Variants in DTNB observed in about 807,000 individuals in gnomAD.
DTNB encodes the protein DTN-B.
In DTNB, 63 loss-of-function variants were observed where a neutral mutation model predicts 90.7. That is an observed-to-expected ratio of 0.69 (90% CI 0.57 to 0.86). The LOEUF is 0.86. Ranked by LOEUF, DTNB falls within the 40% of genes least tolerant of loss-of-function variation. The pLI, the probability that DTNB is intolerant of heterozygous loss-of-function variation, is 0.00. For missense variants in DTNB, 744 were observed against 807.1 expected (o/e 0.92, Z 0.95); for synonymous variants, 277 against 286.7 (o/e 0.97, Z 0.34).
At chr2:25,532,695 C>T (rs1270100348) in intron 8 of DTNB, among the ~76,000 whole-genome samples, 1 of 152,192 alleles carries the variant, frequency 6.6e-6, no homozygotes, top group Non-Finnish European at 1.5e-5. Context: ...TAAAATAACA[C>T]TGTTATCTGA....
At chr2:25,393,278 C>T (rs1298378284) in intron 16 of DTNB, among the ~76,000 whole-genome samples, 1 of 152,142 alleles carries the variant, frequency 6.6e-6, no homozygotes, top group Non-Finnish European at 1.5e-5. Context: ...CAATATTATA[C>T]TGAACAGGGA....
chr2:25,532,245 CA>C (rs11352371), intron 8 of DTNB, among the ~76,000 whole-genome samples: 26,137 of 74,438 alleles, frequency 0.35, 2,033 homozygotes, highest in East Asian at 0.47. Context: ...AACTCTGTCT[CA>C]AAAAAAAAAA....
At chr2:25,384,112 C>T (rs796792224) in intron 18 of DTNB, among the ~76,000 whole-genome samples, 43 of 152,364 alleles carry the variant, frequency 2.8e-4, no homozygotes, top group African/African-American at 8.9e-4. Flanking sequence ...GGGAGCAGTG[C>T]GGTCACATCG....
chr2:25,405,214 T>C (rs2044778124), intron 16 of DTNB, among the ~76,000 whole-genome samples: 2 of 152,148 alleles, frequency 1.3e-5, no homozygotes, highest in South Asian at 4.2e-4. Context: ...AGGCGTGAGC[T>C]ACCATGCCTG....
intron 12 of DTNB, among the ~76,000 whole-genome samples, chr2:25,437,325 G>C (rs1451483450): frequency 6.6e-6 from 1 of 151,264 alleles, no homozygotes; most frequent in East Asian, 1.9e-4. Context: ...GCAGTGGCAT[G>C]ATCTCGGTTC....
At chr2:25,444,586 T>C (rs916467261) in intron 12 of DTNB, among the ~76,000 whole-genome samples, 2 of 150,982 alleles carry the variant, frequency 1.3e-5, no homozygotes, top group African/African-American at 4.9e-5. Flanking sequence ...AAATTCTCTC[T>C]CCTGGCTCAT....
rs140024066 is a variant in DTNB, at chr2:25,408,263, C to T, written c.1575+11252G>A. ...GGTGGAGGCTGCGGTGAGCCGAGAT[C>T]GTGCCATTGCACTCCAGCCTGGGCA... On this transcript the variant is annotated intron_variant, in intron 16 of 20. Coordinates refer to ENST00000406818, the MANE Select transcript of DTNB (RefSeq NM_021907.5). Among the ~76,000 whole-genome samples, 1,339 of 151,896 alleles carry T rather than the reference C, an allele frequency of 8.8e-3. 2 individuals carry two copies. The highest frequency in any genetic ancestry group is 0.017 in the Admixed American group (254 of 15,260).
chr2:25,427,902 A>G, intron 14 of DTNB: 1 of 233,956 alleles, frequency 4.3e-6, no homozygotes, highest in Non-Finnish European at 8.2e-6. Flanking sequence ...ATGATTAAAA[A>G]ACTCTTTAGA....
chr2:25,455,136 T>C (rs564864898), intron 11 of DTNB, among the ~76,000 whole-genome samples: 10 of 152,310 alleles, frequency 6.6e-5, no homozygotes, highest in Admixed American at 2.6e-4. Context: ...TAGGTTTATA[T>C]ATTTTTTGAG....
At chr2:25,536,298 G>T (rs915590878) in intron 8 of DTNB, among the ~76,000 whole-genome samples, 2 of 152,178 alleles carry the variant, frequency 1.3e-5, no homozygotes, top group Non-Finnish European at 2.9e-5. Flanking sequence ...TTCCTACACG[G>T]GGTGGCGGGC....
At chr2:25,557,490 A>C (rs992394357) in intron 8 of DTNB, among the ~76,000 whole-genome samples, 1 of 152,218 alleles carries the variant, frequency 6.6e-6, no homozygotes. Flanking sequence ...ACACACTAAA[A>C]GCAGCAACAA....
chr2:25,449,619 G>A (rs1325589194), intron 12 of DTNB, among the ~76,000 whole-genome samples: 1 of 152,194 alleles, frequency 6.6e-6, no homozygotes, highest in Admixed American at 6.5e-5. Flanking sequence ...CTTCTTTGTG[G>A]AATATCTGTT....
intron 6 of DTNB, among the ~76,000 whole-genome samples, chr2:25,592,971 C>A (rs1047381111): frequency 1.3e-5 from 2 of 152,180 alleles, no homozygotes; most frequent in Non-Finnish European, 2.9e-5. Flanking sequence ...CAAAATAGAT[C>A]GGTTTCATCA....
chr2:25,668,697 T>C (rs928811025), intron 1 of DTNB, among the ~76,000 whole-genome samples: 2 of 151,826 alleles, frequency 1.3e-5, no homozygotes, highest in African/African-American at 4.8e-5. Flanking sequence ...TTCAGCCACA[T>C]TGGTCAAAAT....
At chr2:25,411,263 G>A (rs1298787699) in intron 16 of DTNB, among the ~76,000 whole-genome samples, 1 of 151,918 alleles carries the variant, frequency 6.6e-6, no homozygotes, top group Non-Finnish European at 1.5e-5. Flanking sequence ...GTAGGCTGAG[G>A]CAGGAGAGTC....
intron 10 of DTNB, among the ~76,000 whole-genome samples, chr2:25,469,105 C>G (rs569034775): frequency 2.0e-4 from 30 of 152,156 alleles, no homozygotes; most frequent in Middle Eastern, 3.2e-3. Flanking sequence ...TGACATTAAT[C>G]AAGTATTTAT....
intron 10 of DTNB, among the ~76,000 whole-genome samples, chr2:25,465,201 C>G (rs1325716787): frequency 1.3e-5 from 2 of 151,918 alleles, no homozygotes; most frequent in African/African-American, 4.8e-5. Context: ...ACAGTGAAAC[C>G]CTGTCTCTAC....
At chr2:25,511,537 G>A (rs1198123700) in intron 9 of DTNB, among the ~76,000 whole-genome samples, 1 of 151,986 alleles carries the variant, frequency 6.6e-6, no homozygotes, top group Admixed American at 6.6e-5. Context: ...TCATCATATT[G>A]GTCAGGCTGG....
chr2:25,557,404 C>G (rs1306058745), intron 8 of DTNB, among the ~76,000 whole-genome samples: 1 of 152,106 alleles, frequency 6.6e-6, no homozygotes, highest in Non-Finnish European at 1.5e-5. Context: ...ATCACAGTTC[C>G]AAAGCTGTCA....
Sources: gnomAD v4.1 joint callset for allele counts (sites outside exome capture counted in the v4.1 genomes callset) on GRCh38, gnomAD v4.1.1 for gene constraint, MANE v1.5 for transcripts, NCBI Gene and HGNC (gene_info 2026-07-23, HGNC 2026-07-21) for gene names.